Variants in DSCAM observed in about 807,000 individuals in gnomAD.
DSCAM encodes cell adhesion molecule DSCAM.
Under a neutral mutation model 217.7 loss-of-function variants are expected in DSCAM, and 47 were observed. The observed-to-expected ratio is 0.22, with a 90% CI of 0.17 to 0.28. DSCAM has a LOEUF of 0.28. Among genes scored for constraint, DSCAM ranks in the 10% least tolerant of loss-of-function variants. The pLI, the probability that DSCAM is intolerant of heterozygous loss-of-function variation, is 1.00. For synonymous variants in DSCAM, 1,056 were observed against 1,015.3 expected, an observed-to-expected ratio of 1.04 and a Z score of -0.76; for missense variants, 2,080 against 2,618.3, an observed-to-expected ratio of 0.79 and a Z score of 4.49.
intron 16 of DSCAM, among the ~76,000 whole-genome samples, chr21:40,160,660 T>C (rs1366345119): frequency 6.6e-6 from 1 of 152,220 alleles, no homozygotes; most frequent in Non-Finnish European, 1.5e-5. Context: ...AGGATGAGCG[T>C]CAATAGATGT....
intron 3 of DSCAM, among the ~76,000 whole-genome samples, chr21:40,554,430 C>A (rs2076655080): frequency 6.6e-6 from 1 of 152,094 alleles, no homozygotes; most frequent in Non-Finnish European, 1.5e-5. Flanking sequence ...GGGGAAAGTT[C>A]TTCTGTGGAC....
chr21:40,526,685 T>C (rs1421127216), intron 3 of DSCAM, among the ~76,000 whole-genome samples: 2 of 152,104 alleles, frequency 1.3e-5, no homozygotes, highest in African/African-American at 2.4e-5. Flanking sequence ...TTAGGGCACT[T>C]CAACAGAGGC....
intron 3 of DSCAM, among the ~76,000 whole-genome samples, chr21:40,529,356 G>A (rs144246663): frequency 1.4e-3 from 210 of 152,252 alleles, no homozygotes; most frequent in African/African-American, 4.6e-3. Context: ...ACAAAACAGG[G>A]TGCTGTTTCT....
chr21:40,413,879 T>A (rs1023751525), intron 3 of DSCAM, among the ~76,000 whole-genome samples: 2 of 152,164 alleles, frequency 1.3e-5, no homozygotes, highest in African/African-American at 2.4e-5. Flanking sequence ...AAAGTAGTGC[T>A]GGAATATGTG....
intron 21 of DSCAM, 21 bp from the exon 22 acceptor site, chr21:40,087,308 G>A (rs201942844): frequency 6.3e-7 from 1 of 1,580,522 alleles, no homozygotes; most frequent in Non-Finnish European, 8.7e-7. Context: ...AAACAAAGTG[G>A]AATCCTGATT....
chr21:40,215,266 A>AAAAAAAAAAG (rs2091231940), intron 11 of DSCAM, among the ~76,000 whole-genome samples: 1 of 144,868 alleles, frequency 6.9e-6, no homozygotes, highest in Non-Finnish European at 1.5e-5. Flanking sequence ...AAAAAAAAAA[A>AAAAAAAAAAG]GATATGGAAT....
chr21:40,353,446 A>C lies in DSCAM; in HGVS notation c.934+19T>G, dbSNP rs1877389772. ...CGATGGAAGCCAACACCACCTTTGC[A>C]AGTTACCGTCCAACTTACGTTTCAC... On this transcript the variant is annotated intron_variant, in intron 5 of 32. Coordinates refer to ENST00000400454, the MANE Select transcript of DSCAM (RefSeq NM_001389.5). 1 of 1,592,310 alleles carries C rather than the reference A, an allele frequency of 6.3e-7. No individual in the cohort carries two copies. Among genetic ancestry groups the C allele is most frequent in the African/African-American group, 1.4e-5 (1 of 73,482 alleles).
intron 11 of DSCAM, among the ~76,000 whole-genome samples, chr21:40,211,905 G>T (rs2091188425): frequency 6.6e-6 from 1 of 151,812 alleles, no homozygotes; most frequent in Non-Finnish European, 1.5e-5. Context: ...GCAAATAGTA[G>T]CTGCTACACA....
At chr21:40,425,669 CAAAAAAAA>C (rs34174337) in intron 3 of DSCAM, among the ~76,000 whole-genome samples, 1 of 69,000 alleles carries the variant, frequency 1.4e-5, no homozygotes, top group Non-Finnish European at 3.0e-5. Context: ...ACTCGGTGTC[CAAAAAAAA>C]AAAAAAAAAA....
At chr21:40,378,551 C>CTTTT (rs2074986379) in intron 3 of DSCAM, among the ~76,000 whole-genome samples, 1 of 101,406 alleles carries the variant, frequency 9.9e-6, no homozygotes, top group Non-Finnish European at 2.1e-5. Flanking sequence ...ACAATGAAAA[C>CTTTT]TTATTTTTTT....
chr21:40,173,264 G>A (rs1251518870), intron 15 of DSCAM, among the ~76,000 whole-genome samples: 1 of 152,118 alleles, frequency 6.6e-6, no homozygotes, highest in African/African-American at 2.4e-5. Flanking sequence ...AGTGGGCAGT[G>A]GGTTGAATTT....
At chr21:40,413,948 T>C (rs571067205) in intron 3 of DSCAM, among the ~76,000 whole-genome samples, 14 of 152,322 alleles carry the variant, frequency 9.2e-5, no homozygotes, top group Admixed American at 9.1e-4. Context: ...ACCTCAATTA[T>C]TGCTTCAAAC....
At chr21:40,511,216 C>A (rs1054177286) in intron 3 of DSCAM, among the ~76,000 whole-genome samples, 4 of 152,002 alleles carry the variant, frequency 2.6e-5, no homozygotes, top group African/African-American at 7.3e-5. Context: ...AAGAGGAAAG[C>A]AGAACAGATA....
chr21:40,249,366 T>G (rs548678201), intron 11 of DSCAM, among the ~76,000 whole-genome samples: 27 of 152,224 alleles, frequency 1.8e-4, no homozygotes, highest in Admixed American at 7.2e-4. Flanking sequence ...ATCTGATGGT[T>G]TTATCAGAGG....
chr21:40,253,372 T>A (rs2073330276), intron 11 of DSCAM, among the ~76,000 whole-genome samples: 1 of 152,214 alleles, frequency 6.6e-6, no homozygotes, highest in African/African-American at 2.4e-5. Flanking sequence ...CTGGTCTTTG[T>A]TCCTGGTTCC....
chr21:40,169,735 AAGACAAG>A (rs2090635532), intron 15 of DSCAM, among the ~76,000 whole-genome samples: 1 of 152,086 alleles, frequency 6.6e-6, no homozygotes, highest in Non-Finnish European at 1.5e-5. Flanking sequence ...AAGGTGTTAA[AAGACAAG>A]AGCTGGAGAG....
chr21:40,140,477 G>A (rs2090276451), intron 18 of DSCAM, among the ~76,000 whole-genome samples: 1 of 152,318 alleles, frequency 6.6e-6, no homozygotes, highest in Admixed American at 6.5e-5. Context: ...AAATATGGGT[G>A]ATGTGGATGA....
chr21:40,214,750 AAACAAAAC>A (rs1216193780), intron 11 of DSCAM, among the ~76,000 whole-genome samples: 1 of 151,358 alleles, frequency 6.6e-6, no homozygotes, highest in African/African-American at 2.4e-5. Flanking sequence ...AAAAAAAAAA[AAACAAAAC>A]AAAAAACAAC....
intron 10 of DSCAM, among the ~76,000 whole-genome samples, chr21:40,291,925 C>G (rs534277264): frequency 1.3e-5 from 2 of 152,176 alleles, no homozygotes; most frequent in Non-Finnish European, 2.9e-5. Flanking sequence ...AGTCCCTCTT[C>G]GCTTCTCAGC....
Sources: allele counts gnomAD v4.1 joint callset (sites outside exome capture counted in the v4.1 genomes callset), GRCh38; gene constraint gnomAD v4.1.1; transcripts MANE v1.5; gene names NCBI Gene and HGNC (gene_info 2026-07-23, HGNC 2026-07-21).